The following TENM3 variants were observed in gnomAD, a reference collection of about 807,000 sequenced individuals.
TENM3 encodes teneurin transmembrane protein 3.
Under a neutral mutation model 255.1 loss-of-function variants are expected in TENM3, and 63 were observed. The observed-to-expected ratio is 0.25, with a 90% CI of 0.20 to 0.30. The LOEUF (loss-of-function observed/expected upper bound fraction) is 0.30. TENM3 is among the 10% of genes least tolerant of loss of function. TENM3 has a pLI of 1.00. For synonymous variants in TENM3, 1,306 were observed against 1,322.3 expected, an observed-to-expected ratio of 0.99 and a Z score of 0.27; for missense variants, 2,929 against 3,461.1, an observed-to-expected ratio of 0.85 and a Z score of 3.86.
the TENM3 span, among the ~76,000 whole-genome samples, chr4:181,520,465 A>C: frequency 6.6e-6 from 1 of 152,116 alleles, no homozygotes; most frequent in East Asian, 1.9e-4. Context: ...CTCTAAGGAG[A>C]TTGAAAGGCA....
the TENM3 span, among the ~76,000 whole-genome samples, chr4:181,927,480 C>T: frequency 6.6e-6 from 1 of 152,254 alleles, no homozygotes; most frequent in Non-Finnish European, 1.5e-5. Context: ...TAGATTCCTG[C>T]TCTCTGGGCA....
chr4:181,924,155 C>T, the TENM3 span, among the ~76,000 whole-genome samples: 1 of 152,130 alleles, frequency 6.6e-6, no homozygotes, highest in Non-Finnish European at 1.5e-5. Flanking sequence ...TTACTGCTTG[C>T]TTTAAAACCA....
the TENM3 span, among the ~76,000 whole-genome samples, chr4:181,486,207 G>T: frequency 9.0e-4 from 137 of 152,188 alleles, no homozygotes; most frequent in African/African-American, 3.1e-3. Context: ...AGGTACAGAA[G>T]GTTGCAAACC....
chr4:182,212,940 G>A (rs1053677970), intron 1 of TENM3, among the ~76,000 whole-genome samples: 1 of 152,212 alleles, frequency 6.6e-6, no homozygotes, highest in African/African-American at 2.4e-5. Flanking sequence ...TAAGTCTGAT[G>A]TTGGGACCAC....
the TENM3 span, among the ~76,000 whole-genome samples, chr4:181,572,698 C>T: frequency 2.1e-4 from 32 of 152,294 alleles, no homozygotes; most frequent in African/African-American, 7.5e-4. Context: ...GTAAATGAAG[C>T]ATCCATCAGC....
the TENM3 span, among the ~76,000 whole-genome samples, chr4:181,767,975 A>G: frequency 6.6e-6 from 1 of 152,150 alleles, no homozygotes; most frequent in South Asian, 2.1e-4. Flanking sequence ...AAATTAATGC[A>G]TATTGACAAG....
the TENM3 span, among the ~76,000 whole-genome samples, chr4:181,700,259 C>A: frequency 3.3e-5 from 5 of 150,800 alleles, no homozygotes; most frequent in Admixed American, 3.3e-4. Context: ...TGTGAGAAAG[C>A]ATTCCTAATA....
chr4:181,574,483 A>G, the TENM3 span, among the ~76,000 whole-genome samples: 1 of 151,500 alleles, frequency 6.6e-6, no homozygotes, highest in Admixed American at 6.6e-5. Context: ...GTGAGCCGAG[A>G]TCGTGCCACT....
At chr4:181,914,246 C>G in the TENM3 span, among the ~76,000 whole-genome samples, 1 of 152,156 alleles carries the variant, frequency 6.6e-6, no homozygotes, top group Non-Finnish European at 1.5e-5. Context: ...CCTTCTTTAG[C>G]AGGTCCTAAT....
At chr4:182,671,403 G>A (rs753141326) in intron 6 of TENM3, among the ~76,000 whole-genome samples, 1 of 152,124 alleles carries the variant, frequency 6.6e-6, no homozygotes, top group African/African-American at 2.4e-5. Flanking sequence ...GCTTGTGATA[G>A]CGATGTTTAT....
chr4:181,596,196 T>G, the TENM3 span, among the ~76,000 whole-genome samples: 33 of 152,316 alleles, frequency 2.2e-4, no homozygotes, highest in South Asian at 4.1e-3. Context: ...TGCATACATG[T>G]ATTGCTCTAG....
At chr4:182,741,915 G>T (rs531695316) in intron 18 of TENM3, among the ~76,000 whole-genome samples, 3 of 152,130 alleles carry the variant, frequency 2.0e-5, no homozygotes, top group Admixed American at 6.6e-5. Context: ...AAATTATCCC[G>T]AAGTGGGGGG....
intron 3 of TENM3, among the ~76,000 whole-genome samples, chr4:182,403,718 A>G (rs1395090845): frequency 1.3e-5 from 2 of 152,116 alleles, no homozygotes; most frequent in African/African-American, 4.8e-5. Flanking sequence ...CTTTTGGGTG[A>G]AAATTGTTTT....
chr4:182,196,217 C>T (rs1348539643), intron 1 of TENM3, among the ~76,000 whole-genome samples: 1 of 152,098 alleles, frequency 6.6e-6, no homozygotes, highest in Non-Finnish European at 1.5e-5. Context: ...CCTACCATTT[C>T]CCCGGAGTCT....
At chr4:182,307,020 A>G (rs1180227190) in intron 1 of TENM3, among the ~76,000 whole-genome samples, 1 of 152,224 alleles carries the variant, frequency 6.6e-6, no homozygotes, top group Non-Finnish European at 1.5e-5. Context: ...CACGTTTACT[A>G]CCACATACTG....
the TENM3 span, among the ~76,000 whole-genome samples, chr4:181,502,773 T>C: frequency 2.0e-5 from 3 of 152,166 alleles, no homozygotes; most frequent in Non-Finnish European, 4.4e-5. Context: ...AGCATTTGCC[T>C]ACCGGAAGCT....
At chr4:182,246,797 A>C (rs1242224348) in intron 1 of TENM3, among the ~76,000 whole-genome samples, 1 of 152,214 alleles carries the variant, frequency 6.6e-6, no homozygotes, top group Non-Finnish European at 1.5e-5. Context: ...AGACGACAGC[A>C]GTGCAGGGAT....
intron 3 of TENM3, among the ~76,000 whole-genome samples, chr4:182,529,606 T>A (rs1006821896): frequency 6.6e-6 from 1 of 152,220 alleles, no homozygotes; most frequent in Non-Finnish European, 1.5e-5. Context: ...TAGATAGTAC[T>A]AAAGGCCTAC....
intron 3 of TENM3, among the ~76,000 whole-genome samples, chr4:182,410,196 C>T (rs543807431): frequency 1.2e-4 from 19 of 152,198 alleles, no homozygotes; most frequent in Non-Finnish European, 1.9e-4. Context: ...ATGTCTAATA[C>T]AGAACACTAG....
Sources: allele counts gnomAD v4.1 joint callset (sites outside exome capture counted in the v4.1 genomes callset), GRCh38; gene constraint gnomAD v4.1.1; transcripts MANE v1.5; gene names NCBI Gene and HGNC (gene_info 2026-07-23, HGNC 2026-07-21).